Variants in NRXN3 observed in about 807,000 individuals in gnomAD.
The protein encoded by NRXN3 is neurexin 3, also known as neurexin III.
In NRXN3, 32 loss-of-function variants were observed where a neutral mutation model predicts 137.6. The observed-to-expected ratio is 0.23, with a 90% CI of 0.18 to 0.31. The LOEUF is 0.31. Ranked by LOEUF, NRXN3 falls within the 10% of genes least tolerant of loss-of-function variation. The pLI, the probability that NRXN3 is intolerant of heterozygous loss-of-function variation, is 1.00. For missense variants in NRXN3, 1,574 were observed against 2,062.5 expected (o/e 0.76, Z 4.59); for synonymous variants, 798 against 784.5 (o/e 1.02, Z -0.29).
intron 16 of NRXN3, among the ~76,000 whole-genome samples, chr14:79,580,418 A>G (rs951633230): frequency 2.0e-5 from 3 of 149,344 alleles, no homozygotes; most frequent in African/African-American, 7.6e-5. Flanking sequence ...TCTTTTCTCT[A>G]TAGCACAAAA....
chr14:78,861,429 T>A (rs2152528084), intron 10 of NRXN3, among the ~76,000 whole-genome samples: 1 of 152,266 alleles, frequency 6.6e-6, no homozygotes, highest in Non-Finnish European at 1.5e-5. Context: ...TTTCTTGGAA[T>A]CCTGTTGAAT....
intron 8 of NRXN3, among the ~76,000 whole-genome samples, chr14:78,770,562 G>A (rs1206743730): frequency 6.6e-6 from 1 of 152,196 alleles, no homozygotes; most frequent in Non-Finnish European, 1.5e-5. Flanking sequence ...GGGCTGAATA[G>A]ATATGAGCAT....
intron 4 of NRXN3, among the ~76,000 whole-genome samples, chr14:78,518,534 C>T (rs1367257319): frequency 1.3e-5 from 2 of 152,048 alleles, no homozygotes; most frequent in African/African-American, 4.8e-5. Context: ...GAGTGTCTCT[C>T]CATGAACTGT....
At chr14:78,720,032 T>G (rs2098452462) in intron 8 of NRXN3, among the ~76,000 whole-genome samples, 2 of 152,212 alleles carry the variant, frequency 1.3e-5, no homozygotes, top group Admixed American at 1.3e-4. Flanking sequence ...AGGCTTTCCA[T>G]TACATTGAGC....
At chr14:79,275,339 G>A (rs958817812) in intron 15 of NRXN3, among the ~76,000 whole-genome samples, 10 of 152,014 alleles carry the variant, frequency 6.6e-5, no homozygotes, top group East Asian at 1.9e-4. Flanking sequence ...GGTCTTCACC[G>A]AAAAAGCTTA....
intron 19 of NRXN3, among the ~76,000 whole-genome samples, chr14:79,774,654 A>G (rs895007018): frequency 6.6e-6 from 1 of 152,132 alleles, no homozygotes; most frequent in African/African-American, 2.4e-5. Flanking sequence ...GCCTTCACAT[A>G]TGCTTTGCTA....
In NRXN3 at chr14:78,408,968, C is replaced by G. The variant is rs1376344997; in HGVS notation, c.757+111108C>G. 2.0e-5 allele frequency among the ~76,000 whole-genome samples: 3 copies of G among 152,172 alleles called. No homozygotes were observed. The East Asian group carries it at 5.8e-4, about 29-fold the overall frequency. On this transcript the variant is annotated intron_variant, in intron 4 of 20. Coordinates refer to ENST00000335750, the MANE Select transcript of NRXN3 (RefSeq NM_001330195.2). ...AGTGAGGATGGTCCAGGAATCTCTCCCATAATGTCCTACTTCAGGACTTGA... is the reference window on the plus strand; with the variant it reads ...AGTGAGGATGGTCCAGGAATCTCTCGCATAATGTCCTACTTCAGGACTTGA...
At chr14:79,033,871 A>T (rs866408785) in intron 15 of NRXN3, among the ~76,000 whole-genome samples, 1 of 152,102 alleles carries the variant, frequency 6.6e-6, no homozygotes, top group Admixed American at 6.6e-5. Flanking sequence ...ATGGGCATCA[A>T]CCATCACAAG....
chr14:78,741,990 C>T (rs941851940), intron 8 of NRXN3, among the ~76,000 whole-genome samples: 2 of 152,086 alleles, frequency 1.3e-5, no homozygotes, highest in Non-Finnish European at 2.9e-5. Context: ...GTCTTTGAAC[C>T]CTTACTTTGA....
chr14:79,320,276 A>G (rs1055947685), intron 15 of NRXN3, among the ~76,000 whole-genome samples: 10 of 152,182 alleles, frequency 6.6e-5, no homozygotes, highest in Admixed American at 4.6e-4. Flanking sequence ...TAAATACACA[A>G]TTCTCTCTTG....
At chr14:79,681,159 A>G (rs535071628) in intron 17 of NRXN3, among the ~76,000 whole-genome samples, 1 of 152,248 alleles carries the variant, frequency 6.6e-6, no homozygotes, top group Admixed American at 6.5e-5. Context: ...CCAGCTGTCC[A>G]TGTCTCCATC....
chr14:78,810,394 ACTG>A (rs769349499), intron 10 of NRXN3, 50 bp downstream of exon 10: 25 of 1,102,380 alleles, frequency 2.3e-5, no homozygotes, highest in East Asian at 3.0e-5. Context: ...AAAAAACAAA[ACTG>A]ACTTTATTTT....
intron 4 of NRXN3, among the ~76,000 whole-genome samples, chr14:78,571,940 GTATACACTGCTAAAACCA>G (rs981892450): frequency 1.3e-5 from 2 of 152,098 alleles, no homozygotes; most frequent in African/African-American, 4.8e-5. Context: ...CTGAGCAAAT[GTATACACTGCTAAAACCA>G]TATACTCACT....
At chr14:79,674,596 T>C (rs971591) in intron 17 of NRXN3, among the ~76,000 whole-genome samples, 30,828 of 151,878 alleles carry the variant, frequency 0.2, 4,521 homozygotes, top group African/African-American at 0.42. Flanking sequence ...CCCACTCCAC[T>C]TTTCCAATGT....
chr14:78,347,127 C>T (rs971863422), intron 4 of NRXN3, among the ~76,000 whole-genome samples: 5 of 152,168 alleles, frequency 3.3e-5, no homozygotes, highest in African/African-American at 1.2e-4. Context: ...TTATGAATTG[C>T]CGTCAATTAC....
chr14:79,497,320 A>G (rs558718847), intron 16 of NRXN3, among the ~76,000 whole-genome samples: 4 of 152,126 alleles, frequency 2.6e-5, no homozygotes, highest in Admixed American at 6.6e-5. Context: ...TATCCTCCAG[A>G]CAGGTTGATC....
At chr14:79,055,815 A>G (rs4903815) in intron 15 of NRXN3, among the ~76,000 whole-genome samples, 136,911 of 152,140 alleles carry the variant, frequency 0.9, 62,880 homozygotes, top group Non-Finnish European at 0.99. Context: ...ATGCACATGC[A>G]CTTGGAGACA....
chr14:79,042,993 C>T (rs2099627453), intron 15 of NRXN3, among the ~76,000 whole-genome samples: 1 of 151,844 alleles, frequency 6.6e-6, no homozygotes, highest in Non-Finnish European at 1.5e-5. Flanking sequence ...CCCAATAAAG[C>T]TTCAGAACAT....
chr14:79,712,873 A>G (rs2098809538), intron 19 of NRXN3, among the ~76,000 whole-genome samples: 1 of 152,146 alleles, frequency 6.6e-6, no homozygotes, highest in South Asian at 2.1e-4. Flanking sequence ...CTGCTCCTGT[A>G]TTAAATCCTA....
Sources: gnomAD v4.1 joint callset for allele counts (sites outside exome capture counted in the v4.1 genomes callset) on GRCh38, gnomAD v4.1.1 for gene constraint, MANE v1.5 for transcripts, NCBI Gene and HGNC (gene_info 2026-07-23, HGNC 2026-07-21) for gene names.